The following ELMOD3 variants were observed in gnomAD, a reference collection of about 807,000 sequenced individuals.
ELMOD3 encodes the protein ELMO domain containing 3.
In ELMOD3, 36 loss-of-function variants were observed where a neutral mutation model predicts 47.4. That is an observed-to-expected ratio of 0.76 (90% CI 0.58 to 1.00). The LOEUF (loss-of-function observed/expected upper bound fraction) is 1.00, where lower values mean the gene tolerates loss of function less well. Ranked by LOEUF, ELMOD3 falls within the 50% of genes least tolerant of loss-of-function variation. The pLI is 0.00. For synonymous variants in ELMOD3, 149 were observed against 183.5 expected (o/e 0.81, Z 1.52); for missense variants, 404 against 463.8 (o/e 0.87, Z 1.18).
At chr2:85,363,505 T>C (rs1376969379) in intron 6 of ELMOD3, among the ~76,000 whole-genome samples, 1 of 152,230 alleles carries the variant, frequency 6.6e-6, no homozygotes, top group Admixed American at 6.5e-5. Flanking sequence ...TGCAAGGCGC[T>C]TCCCCATACT....
chr2:85,373,814 G>C (rs1355934246), intron 10 of ELMOD3, among the ~76,000 whole-genome samples: 2 of 149,974 alleles, frequency 1.3e-5, no homozygotes, highest in African/African-American at 4.9e-5. Flanking sequence ...GCTCCAGCTT[G>C]GGCAACAGAG....
In ELMOD3 at chr2:85,381,135, T is replaced by C. The variant is rs186040038; in HGVS notation, c.738+3661T>C. The stretch of plus-strand genomic sequence containing the variant: ...GACAATGCTTCCTGTATAATTTTTA[T>C]ACCAAATAAGCCAAATTATGTCATT... On this transcript the variant is annotated intron_variant, in intron 11 of 13. Coordinates refer to ENST00000409013, the MANE Select transcript of ELMOD3 (RefSeq NM_001135022.2). 1.6e-3 allele frequency among the ~76,000 whole-genome samples: 240 copies of C among 152,356 alleles called. 2 individuals are homozygous for C. The highest frequency in any genetic ancestry group is 5.5e-3 in the African/African-American group (227 of 41,582).
Position 85,362,347 on chromosome 2 carries a change from G to T in ELMOD3, c.129+87G>T, listed in dbSNP as rs1489475353. The T allele has an allele frequency of 5.7e-6, 5 of 875,594 alleles. No individual in the cohort carries two copies. The East Asian group carries it at 9.7e-5, about 17-fold the overall frequency. 54.2% of individuals were successfully genotyped at this position (875,594 alleles called of 1,614,324 possible). On this transcript the variant is annotated intron_variant, in intron 5 of 13. Coordinates refer to ENST00000409013, the MANE Select transcript of ELMOD3 (RefSeq NM_001135022.2). ...TGCCAGAACTGTGGTAGACGCTGGG[G>T]ACACAAGGGTGGCATAGACCTTAGC...
rs544577581 is a variant in ELMOD3, at chr2:85,378,648, G to C, written c.738+1174G>C. Reference sequence around the variant, plus strand: ...TGCATTTATCTCAGTGAGCAGAGGGGCAACTTTGAATAGAATGGGAGGCAG... The same window carrying C: ...TGCATTTATCTCAGTGAGCAGAGGGCCAACTTTGAATAGAATGGGAGGCAG... On this transcript the variant is annotated intron_variant, in intron 11 of 13. Coordinates refer to ENST00000409013, the MANE Select transcript of ELMOD3 (RefSeq NM_001135022.2). Among the ~76,000 whole-genome samples the C allele has an allele frequency of 2.0e-5, 3 of 152,342 alleles. No individual in the cohort carries two copies. The East Asian group carries it at 5.8e-4, about 29-fold the overall frequency.
At chr2:85,390,661 G>A (rs1686284820) in intron 13 of ELMOD3, 99 bp from the exon 14 acceptor site, 8 of 1,499,010 alleles carry the variant, frequency 5.3e-6, no homozygotes, top group Non-Finnish European at 7.1e-6. Context: ...TGGGATAGGG[G>A]TTGGGGGTAC....
intron 11 of ELMOD3, 86 bp downstream of exon 11, chr2:85,377,560 G>T: frequency 7.1e-7 from 1 of 1,409,812 alleles, no homozygotes. Flanking sequence ...GGACAGCTGA[G>T]ATAAACCAGG....
At chr2:85,360,343 C>T (rs1401243075) in intron 4 of ELMOD3, among the ~76,000 whole-genome samples, 6 of 149,828 alleles carry the variant, frequency 4.0e-5, no homozygotes, top group Admixed American at 2.0e-4. Flanking sequence ...CTAATGTTTC[C>T]ACTGGGTTGG....
intron 6 of ELMOD3, among the ~76,000 whole-genome samples, chr2:85,365,522 A>T (rs1427521388): frequency 6.6e-6 from 1 of 152,206 alleles, no homozygotes; most frequent in Non-Finnish European, 1.5e-5. Flanking sequence ...TGTGTTAATT[A>T]TCCTGACTAT....
chr2:85,391,068 AG>A lies in ELMOD3; in HGVS notation c.*107del. On this transcript the variant is annotated 3_prime_UTR_variant, in exon 14 of 14. Transcript: ENST00000409013. ...AGGCCGCACCCCTTGCTGTCTCAGC[AG>A]ATGGGATATAGGAAGCTCCTGGGCT... The A allele has an allele frequency of 1.7e-6, 2 of 1,143,226 alleles. No individual in the cohort carries two copies. The highest frequency in any genetic ancestry group is 1.2e-6 in the Non-Finnish European group (1 of 809,322). The allele number at this position is 1,143,226 out of a possible 1,614,324, so 70.8% of individuals were successfully genotyped here.
chr2:85,369,551 T>C (rs1684636903), intron 7 of ELMOD3, among the ~76,000 whole-genome samples, 188 bp from the exon 8 acceptor site: 1 of 152,178 alleles, frequency 6.6e-6, no homozygotes, highest in Non-Finnish European at 1.5e-5. Flanking sequence ...AATAGCCTCG[T>C]CCAAAAAGAG....
chr2:85,358,244 A>C (rs1417315635), intron 4 of ELMOD3, among the ~76,000 whole-genome samples: 4 of 147,534 alleles, frequency 2.7e-5, no homozygotes, highest in Non-Finnish European at 5.9e-5. Flanking sequence ...ACACCATTGC[A>C]CTCCAGCCTG....
intron 3 of ELMOD3, chr2:85,356,472 A>G (rs1683571972): frequency 6.6e-6 from 1 of 152,254 alleles, no homozygotes; most frequent in African/African-American, 2.4e-5. Flanking sequence ...TGGACACAGA[A>G]TCCAGCTCAC....
At position 85,377,473 on chromosome 2, in the gene ELMOD3, A is replaced by T. The variant is rs184305076; in HGVS notation, c.737A>T (p.Gln246Leu). 1 of 1,607,374 alleles carries T rather than the reference A, an allele frequency of 6.2e-7. No individual in the cohort carries two copies. Among genetic ancestry groups the T allele is most frequent in the East Asian group, 2.2e-5 (1 of 44,604 alleles). Residue 246 changes from glutamine (Q) to leucine (L), a missense_variant and splice_region_variant, in exon 11 of 14, where the codon CAG (glutamine) becomes CTG (leucine). Coordinates refer to ENST00000409013, the MANE Select transcript of ELMOD3 (RefSeq NM_001135022.2). ...EIFRLSRHHIQQFPFCLMSVN... is the reference protein window; with the variant it reads ...EIFRLSRHHILQFPFCLMSVN... The stretch of plus-strand genomic sequence containing the variant: ...TTCCGCCTGTCTCGTCACCACATCC[A>T]GGTGAGACTTTGGTGGGAAGCCAGA...
At chr2:85,361,645 G>A (rs1683962425) in intron 4 of ELMOD3, among the ~76,000 whole-genome samples, 1 of 152,072 alleles carries the variant, frequency 6.6e-6, no homozygotes, top group Non-Finnish European at 1.5e-5. Context: ...AAAGTGGAGG[G>A]TTGGCCGGGC....
At chr2:85,365,799 G>A (rs1001130104) in intron 6 of ELMOD3, among the ~76,000 whole-genome samples, 10 of 152,158 alleles carry the variant, frequency 6.6e-5, no homozygotes, top group South Asian at 2.1e-4. Flanking sequence ...GTTTGTAGGC[G>A]AGGGTGTATG....
Position 85,357,002 on chromosome 2 carries a change from A to G in ELMOD3, c.-197A>G. 1 of 477,800 alleles carries G rather than the reference A, an allele frequency of 2.1e-6. No individual in the cohort carries two copies. The highest frequency in any genetic ancestry group is 3.7e-6 in the Non-Finnish European group (1 of 269,484). 29.6% of individuals were successfully genotyped at this position (477,800 alleles called of 1,614,324 possible). On this transcript the variant is annotated 5_prime_UTR_variant, in exon 4 of 14. Coordinates refer to ENST00000409013, the MANE Select transcript of ELMOD3 (RefSeq NM_001135022.2). ...TCGAAGACCTCAGAGGACTTCTCTC[A>G]GCACTCACAGAAACCTCCTACACCC...
Position 85,354,802 on chromosome 2 carries a change from C to T in ELMOD3, c.-399C>T, listed in dbSNP as rs1290188925. 3.3e-6 allele frequency: 1 copy of T among 307,046 alleles called. No homozygotes were observed. The highest frequency in any genetic ancestry group is 6.5e-5 in the East Asian group (1 of 15,270). 19.0% of individuals were successfully genotyped at this position (307,046 alleles called of 1,614,324 possible). A position where few individuals can be genotyped will look rare whatever the true frequency, so the allele number is the denominator to read the frequency against. ...ATGAGGCCTAGCCGAGGCGGCGGGA[C>T]CCCCAAGTTTGGAAAGCTCTTTTAA... On this transcript the variant is annotated 5_prime_UTR_variant, in exon 1 of 14. Transcript: ENST00000409013.
chr2:85,390,065 A>C lies in ELMOD3; in HGVS notation c.816-73A>C, dbSNP rs763502829. ...GCTGGCTCCCCTGGGGAAATGGGGA[A>C]GGAAGGCGGGAGGGAACCTAGGTCT... On this transcript the variant is annotated intron_variant, in intron 12 of 13. Coordinates refer to ENST00000409013, the MANE Select transcript of ELMOD3 (RefSeq NM_001135022.2). The C allele has an allele frequency of 8.2e-6, 12 of 1,459,602 alleles. No homozygotes were observed. In the South Asian group the frequency reaches 1.3e-4, roughly 15 times the overall value. 90.4% of individuals were successfully genotyped at this position (1,459,602 alleles called of 1,614,324 possible).
intron 4 of ELMOD3, among the ~76,000 whole-genome samples, chr2:85,360,635 G>A (rs1041930804): frequency 5.9e-5 from 9 of 152,012 alleles, no homozygotes; most frequent in South Asian, 2.1e-4. Flanking sequence ...GATTACAGGC[G>A]TGGGCTACCA....
Sources: allele counts gnomAD v4.1 joint callset (sites outside exome capture counted in the v4.1 genomes callset), GRCh38; gene constraint gnomAD v4.1.1; transcripts MANE v1.5; gene names NCBI Gene and HGNC (gene_info 2026-07-23, HGNC 2026-07-21).